DPYD: variants seen among roughly 807,000 people sequenced by gnomAD.
DPYD encodes dihydropyrimidine dehydrogenase.
Under a neutral mutation model 116.2 loss-of-function variants are expected in DPYD, and 109 were observed. The observed-to-expected ratio is 0.94, with a 90% CI of 0.80 to 1.10. The LOEUF (loss-of-function observed/expected upper bound fraction) is 1.10. DPYD is among the 50% of genes least tolerant of loss of function. The pLI, the probability that DPYD is intolerant of heterozygous loss-of-function variation, is 0.00. For missense variants in DPYD, 1,302 were observed against 1,254.5 expected (o/e 1.04, Z -0.57); for synonymous variants, 440 against 432.0 (o/e 1.02, Z -0.23).
chr1:97,296,417 G>A (rs1015363481), intron 18 of DPYD, among the ~76,000 whole-genome samples: 7 of 151,876 alleles, frequency 4.6e-5, no homozygotes, highest in African/African-American at 1.7e-4. Flanking sequence ...GATTTCCAAT[G>A]TCTACACCTA....
intron 18 of DPYD, among the ~76,000 whole-genome samples, chr1:97,246,776 A>G (rs1662746757): frequency 1.3e-5 from 2 of 152,280 alleles, no homozygotes; most frequent in African/African-American, 4.8e-5. Context: ...TTGACCTAGT[A>G]TAAGAATAAA....
chr1:97,251,943 T>C (rs980919323), intron 18 of DPYD, among the ~76,000 whole-genome samples: 1 of 152,152 alleles, frequency 6.6e-6, no homozygotes, highest in Non-Finnish European at 1.5e-5. Context: ...TGTTAACATA[T>C]AATGAGAATG....
At chr1:97,373,169 G>A (rs1017229925) in intron 16 of DPYD, among the ~76,000 whole-genome samples, 1 of 152,064 alleles carries the variant, frequency 6.6e-6, no homozygotes, top group African/African-American at 2.4e-5. Flanking sequence ...AATTTGTGCC[G>A]TGCCCCATTT....
intron 8 of DPYD, among the ~76,000 whole-genome samples, chr1:97,643,837 A>T (rs1359148527): frequency 6.6e-6 from 1 of 152,178 alleles, no homozygotes; most frequent in Non-Finnish European, 1.5e-5. Context: ...ACAGTAACAG[A>T]AAACCGAACA....
chr1:97,275,787 T>A (rs997959406), intron 18 of DPYD, among the ~76,000 whole-genome samples: 11 of 152,270 alleles, frequency 7.2e-5, no homozygotes, highest in African/African-American at 2.6e-4. Flanking sequence ...CCTTCAGTTC[T>A]TTTCCATGAT....
At chr1:97,254,384 C>T (rs1472121407) in intron 18 of DPYD, among the ~76,000 whole-genome samples, 1 of 152,040 alleles carries the variant, frequency 6.6e-6, no homozygotes, top group Non-Finnish European at 1.5e-5. Flanking sequence ...AAAAGCTGTT[C>T]TAGTTACGAA....
At chr1:97,406,763 T>C (rs1014090030) in intron 14 of DPYD, among the ~76,000 whole-genome samples, 19 of 152,176 alleles carry the variant, frequency 1.2e-4, no homozygotes, top group Non-Finnish European at 2.6e-4. Context: ...CATTCACTGT[T>C]TTCATAGCAT....
At chr1:97,869,743 C>T (rs181864530) in intron 2 of DPYD, among the ~76,000 whole-genome samples, 1 of 151,818 alleles carries the variant, frequency 6.6e-6, no homozygotes, top group East Asian at 1.9e-4. Flanking sequence ...AATTTATCAC[C>T]CCTAGAATCC....
intron 1 of DPYD, among the ~76,000 whole-genome samples, chr1:97,914,588 G>C (rs1253785357): frequency 6.6e-6 from 1 of 151,954 alleles, no homozygotes; most frequent in East Asian, 1.9e-4. Flanking sequence ...AAAAAGGATG[G>C]GGCTAGCCTG....
intron 12 of DPYD, among the ~76,000 whole-genome samples, chr1:97,518,423 T>C (rs1201153081): frequency 1.3e-5 from 2 of 152,086 alleles, no homozygotes; most frequent in African/African-American, 2.4e-5. Context: ...CAAGCCCTAA[T>C]GTACACCTCC....
chr1:97,676,489 C>T (rs182020858), intron 8 of DPYD, among the ~76,000 whole-genome samples: 1 of 152,304 alleles, frequency 6.6e-6, no homozygotes, highest in East Asian at 1.9e-4. Flanking sequence ...TACATTGTTA[C>T]ATGAGAAAGA....
At chr1:97,516,055 C>G in intron 12 of DPYD, 114 bp from the exon 13 acceptor site, 1 of 1,084,480 alleles carries the variant, frequency 9.2e-7, no homozygotes, top group Non-Finnish European at 1.4e-6. Flanking sequence ...TTACAACAGT[C>G]TGTTTACAAT....
chr1:97,828,766 TTATA>T lies in DPYD; in HGVS notation c.151-574_151-571del, dbSNP rs1669378705. ...AATATTTACAACTGCACATATATAT[TTATA>T]TACTTGAAACTAAAGTTAAAATCTT... is the stretch of plus-strand genomic sequence containing the variant. On this transcript the variant is annotated intron_variant, in intron 2 of 22. Coordinates refer to ENST00000370192, the MANE Select transcript of DPYD (RefSeq NM_000110.4). Among the ~76,000 whole-genome samples, 5 of 152,078 alleles carry T rather than the reference TTATA, an allele frequency of 3.3e-5. No individual in the cohort carries two copies. In the South Asian group the frequency reaches 1.0e-3, roughly 32 times the overall value.
intron 8 of DPYD, among the ~76,000 whole-genome samples, chr1:97,609,619 C>T (rs1460085067): frequency 1.3e-5 from 2 of 151,974 alleles, no homozygotes; most frequent in Non-Finnish European, 2.9e-5. Flanking sequence ...TCTATAATCT[C>T]ACAGACAAGT....
chr1:97,731,856 A>G (rs1663631172), intron 4 of DPYD, among the ~76,000 whole-genome samples: 1 of 151,894 alleles, frequency 6.6e-6, no homozygotes. Context: ...TTCCAATTTA[A>G]TTTATATATA....
chr1:97,918,815 T>C (rs1050411702), intron 1 of DPYD, among the ~76,000 whole-genome samples: 2 of 152,202 alleles, frequency 1.3e-5, no homozygotes, highest in African/African-American at 2.4e-5. Flanking sequence ...TGTGTTCTTA[T>C]CACATTCATT....
At chr1:97,758,895 C>G (rs1665411144) in intron 3 of DPYD, among the ~76,000 whole-genome samples, 1 of 152,088 alleles carries the variant, frequency 6.6e-6, no homozygotes, top group South Asian at 2.1e-4. Flanking sequence ...ATATCCTGTC[C>G]CTGCTACTTG....
At chr1:97,713,138 A>G (rs1044759203) in intron 5 of DPYD, among the ~76,000 whole-genome samples, 1 of 152,084 alleles carries the variant, frequency 6.6e-6, no homozygotes, top group African/African-American at 2.4e-5. Flanking sequence ...TTACAGCATC[A>G]TGCCTTTTAC....
At chr1:97,744,851 G>T (rs1664460811) in intron 3 of DPYD, among the ~76,000 whole-genome samples, 1 of 152,074 alleles carries the variant, frequency 6.6e-6, no homozygotes. Context: ...GAAAAGAAAT[G>T]TGAATAAAGA....
Sources: allele counts gnomAD v4.1 joint callset (sites outside exome capture counted in the v4.1 genomes callset), GRCh38; gene constraint gnomAD v4.1.1; transcripts MANE v1.5; gene names NCBI Gene and HGNC (gene_info 2026-07-23, HGNC 2026-07-21).